Variants in SETD2 observed in about 807,000 individuals in gnomAD.
SETD2 encodes SET domain containing 2, histone lysine methyltransferase, also known as histone-lysine N-methyltransferase SETD2.
A neutral mutation model predicts 242.1 loss-of-function variants in SETD2; 31 were observed. The observed-to-expected ratio is 0.13, with a 90% CI of 0.10 to 0.17. The LOEUF (loss-of-function observed/expected upper bound fraction) is 0.17. SETD2 is among the 10% of genes least tolerant of loss of function. The probability of loss-of-function intolerance (pLI) is 1.00; values close to 1 mark genes in which losing one functional copy is unlikely to be tolerated. For synonymous variants in SETD2, 1,006 were observed against 1,066.5 expected, an observed-to-expected ratio of 0.94 and a Z score of 1.11; for missense variants, 2,481 against 3,046.3, an observed-to-expected ratio of 0.81 and a Z score of 4.37.
chr3:47,077,815 A>G (rs891419378), intron 12 of SETD2, among the ~76,000 whole-genome samples: 3 of 152,208 alleles, frequency 2.0e-5, no homozygotes, highest in African/African-American at 4.8e-5. Flanking sequence ...GTAAAAGAAA[A>G]TAATGGAGAT....
At chr3:47,063,514 C>T (rs772233648) in intron 13 of SETD2, among the ~76,000 whole-genome samples, 4 of 152,158 alleles carry the variant, frequency 2.6e-5, no homozygotes, top group Non-Finnish European at 4.4e-5. Context: ...AATCAGAATG[C>T]CAGCTTCCTA....
chr3:47,029,026 G>T, intron 18 of SETD2: 1 of 218,286 alleles, frequency 4.6e-6, no homozygotes, highest in Non-Finnish European at 9.0e-6. Flanking sequence ...ACCAACAAAT[G>T]GTCCTAACCC....
chr3:47,053,733 A>G (rs2039945733), intron 15 of SETD2, among the ~76,000 whole-genome samples: 1 of 152,180 alleles, frequency 6.6e-6, no homozygotes, highest in Non-Finnish European at 1.5e-5. Flanking sequence ...TCAACAACAC[A>G]AACTTCAAGG....
rs2106723723 is a variant in SETD2, at chr3:47,124,248, A to G, written c.388T>C (p.Ser130Pro). Reference sequence around the variant, plus strand: ...TCCACCCTTGACTTTGGTGGGGAAGATTCTTCTGCAGTAGATAAGGTATCA... The same window carrying G: ...TCCACCCTTGACTTTGGTGGGGAAGGTTCTTCTGCAGTAGATAAGGTATCA... ...IGDTLSTAEE[S>P]SPPKSRVELG... is the part of the protein sequence containing the mutation. Residue 130 changes from serine to proline, a missense_variant, in exon 3 of 21, where the codon TCT becomes CCT. By Grantham distance (74) the Ser-to-Pro change is moderately conservative. Around this residue, in one of 17 missense-constraint regions of SETD2, gnomAD observed 334 missense variants for 374.5 expected, o/e 0.89. Transcript: ENST00000409792. The G allele has an allele frequency of 6.4e-7, 1 of 1,551,760 alleles. No individual in the cohort carries two copies.
intron 17 of SETD2, among the ~76,000 whole-genome samples, chr3:47,040,168 G>A (rs558588653): frequency 4.0e-5 from 6 of 151,868 alleles, no homozygotes; most frequent in Admixed American, 2.0e-4. Context: ...GAGTAGAGAC[G>A]GGGTTTCATC....
chr3:47,105,964 C>A (rs2107695599), intron 6 of SETD2, 33 bp downstream of exon 6: 1 of 1,567,348 alleles, frequency 6.4e-7, no homozygotes, highest in Non-Finnish European at 8.7e-7. Context: ...CCTAACAGAT[C>A]TGTTTCAAGG....
intron 11 of SETD2, among the ~76,000 whole-genome samples, chr3:47,084,702 C>T (rs965030000): frequency 2.0e-5 from 3 of 148,956 alleles, no homozygotes; most frequent in African/African-American, 7.4e-5. Context: ...CTGGGATTAC[C>T]AGCATGAGCC....
chr3:47,023,411 A>T (rs529632574), intron 18 of SETD2, among the ~76,000 whole-genome samples: 64 of 152,266 alleles, frequency 4.2e-4, no homozygotes, highest in African/African-American at 1.4e-3. Context: ...AAAAAGAAAA[A>T]AAAAATACTG....
intron 14 of SETD2, among the ~76,000 whole-genome samples, chr3:47,058,799 A>G (rs1424649805): frequency 1.4e-5 from 2 of 145,082 alleles, no homozygotes; most frequent in African/African-American, 5.0e-5. Flanking sequence ...GCACAGGGGA[A>G]TTTTTTTTTT....
rs936963184 is a variant in SETD2 at position 47,120,612 on chromosome 3, C to G, written c.4024G>C (p.Asp1342His). ...TDDREEEENWDQQDGSHFSDQ... is the reference protein window; with the variant it reads ...TDDREEEENWHQQDGSHFSDQ... ...GAAAAATGGGATCCATCCTGTTGATCCCAATTCTCCTCTTCTTCACGATCA... is the reference window on the plus strand; with the variant it reads ...GAAAAATGGGATCCATCCTGTTGATGCCAATTCTCCTCTTCTTCACGATCA... The change falls in exon 3 of 21, where the codon GAT becomes CAT. Residue 1342 changes from aspartate (D) to histidine (H), a missense_variant. Transcript: ENST00000409792. The G allele has an allele frequency of 2.5e-6, 4 of 1,613,906 alleles. No individual in the cohort carries two copies. In the African/African-American group the frequency reaches 5.3e-5, roughly 22 times the overall value.
At chr3:47,157,853 A>G (rs993257089) in intron 1 of SETD2, among the ~76,000 whole-genome samples, 1 of 151,880 alleles carries the variant, frequency 6.6e-6, no homozygotes, top group East Asian at 1.9e-4. Flanking sequence ...AGCCTGGGCA[A>G]CAAGAGCAAA....
At chr3:47,045,685 TA>T (rs562529886) in intron 16 of SETD2, among the ~76,000 whole-genome samples, 137 of 133,200 alleles carry the variant, frequency 1.0e-3, no homozygotes, top group African/African-American at 1.5e-3. Flanking sequence ...GTGACAGAGT[TA>T]AAAAAAAAAA....
At chr3:47,151,881 G>C (rs1231876546) in intron 1 of SETD2, among the ~76,000 whole-genome samples, 1 of 147,606 alleles carries the variant, frequency 6.8e-6, no homozygotes, top group Non-Finnish European at 1.5e-5. Flanking sequence ...AAAGAAGGAA[G>C]AGCACCAAAT....
In SETD2 at chr3:47,037,565, C is replaced by T. The variant is rs2039069718; in HGVS notation, c.7350+101G>A. 3.5e-6 allele frequency: 3 copies of T among 846,580 alleles called. No individual in the cohort carries two copies. The East Asian group carries it at 7.6e-5, about 21-fold the overall frequency. The allele number at this position is 846,580 out of a possible 1,614,324, so 52.4% of individuals were successfully genotyped here. Reference sequence around the variant, plus strand: ...ACCTTGATACATGCATAGTCACTCACTTATTTTTCAGAATAAAGAAAAAAG... The same window carrying T: ...ACCTTGATACATGCATAGTCACTCATTTATTTTTCAGAATAAAGAAAAAAG... On this transcript the variant is annotated intron_variant, in intron 18 of 20. Transcript: ENST00000409792.
At chr3:47,044,135 G>A (rs1467021664) in intron 16 of SETD2, among the ~76,000 whole-genome samples, 1 of 151,896 alleles carries the variant, frequency 6.6e-6, no homozygotes, top group Non-Finnish European at 1.5e-5. Context: ...GAGGTCAGGA[G>A]TTTGAGACCA....
intron 5 of SETD2, among the ~76,000 whole-genome samples, chr3:47,112,730 T>C (rs1335391934): frequency 6.6e-6 from 1 of 151,996 alleles, no homozygotes; most frequent in African/African-American, 2.4e-5. Context: ...GCTGGGATTA[T>C]AGGCGTGCGC....
At chr3:47,042,011 T>C (rs945452580) in intron 17 of SETD2, among the ~76,000 whole-genome samples, 6 of 152,218 alleles carry the variant, frequency 3.9e-5, no homozygotes, top group Non-Finnish European at 2.9e-5. Flanking sequence ...CAATATTAGA[T>C]GAAGGAGCAT....
At chr3:47,056,683 C>T (rs2040095310) in intron 15 of SETD2, 138 bp downstream of exon 15, 1 of 680,484 alleles carries the variant, frequency 1.5e-6, no homozygotes, top group Non-Finnish European at 2.5e-6. Context: ...ATATTTCACA[C>T]AATAGATAAC....
chr3:47,053,593 A>G (rs558870176), intron 15 of SETD2, among the ~76,000 whole-genome samples: 2 of 152,378 alleles, frequency 1.3e-5, no homozygotes, highest in Admixed American at 1.3e-4. Flanking sequence ...TGCTCCAAAT[A>G]TTAAAGATAC....
Sources: allele counts gnomAD v4.1 joint callset (sites outside exome capture counted in the v4.1 genomes callset), GRCh38; gene constraint gnomAD v4.1.1; regional missense constraint gnomAD v4.1.1; transcripts MANE v1.5; gene names NCBI Gene and HGNC (gene_info 2026-07-23, HGNC 2026-07-21).